Variants in PTPRN2 observed in about 807,000 individuals in gnomAD.
PTPRN2 encodes receptor-type tyrosine-protein phosphatase N2.
PTPRN2 carries 74 observed loss-of-function variants against 118.8 expected under a neutral mutation model. The observed-to-expected ratio is 0.62, with a 90% CI of 0.52 to 0.76. The LOEUF (loss-of-function observed/expected upper bound fraction) is 0.76, where lower values mean the gene tolerates loss of function less well. Among genes scored for constraint, PTPRN2 ranks in the 30% least tolerant of loss-of-function variants. The probability of loss-of-function intolerance (pLI) is 0.00; values close to 1 mark genes in which losing one functional copy is unlikely to be tolerated. For missense variants in PTPRN2, 1,481 were observed against 1,394.4 expected (o/e 1.06, Z -0.99); for synonymous variants, 641 against 608.0 (o/e 1.05, Z -0.80).
intron 11 of PTPRN2, among the ~76,000 whole-genome samples, chr7:157,933,819 AGGGTGAGTCACTCTGATTGACAGTTTTAG>A (rs1799539426): frequency 1.4e-5 from 1 of 73,918 alleles, no homozygotes; most frequent in Non-Finnish European, 3.6e-5. Flanking sequence ...CTTTAGAGGA[AGGGTGAGTCACTCTGATTGACAGTTTTAG>A]AGGAAGGATG....
chr7:157,930,944 A>C (rs924276177), intron 11 of PTPRN2, among the ~76,000 whole-genome samples: 1 of 151,844 alleles, frequency 6.6e-6, no homozygotes, highest in Non-Finnish European at 1.5e-5. Flanking sequence ...TTCCCGCTGT[A>C]GCAGCTAAGA....
chr7:158,131,870 T>C (rs1318644205), intron 9 of PTPRN2, among the ~76,000 whole-genome samples: 1 of 146,928 alleles, frequency 6.8e-6, no homozygotes, highest in Admixed American at 6.8e-5. Flanking sequence ...TACAAACTGA[T>C]ACACATCTAC....
Position 157,834,559 on chromosome 7 carries a change from T to C in PTPRN2, c.1788+64114A>G, listed in dbSNP as rs992212463. 3.3e-5 allele frequency among the ~76,000 whole-genome samples: 5 copies of C among 152,378 alleles called. No individual in the cohort carries two copies. The Middle Eastern group carries it at 0.01, about 311-fold the overall frequency. ...GCACTCCCTGTGATCAATCCATCAA[T>C]TGATCAGTCGACCCACCCGCTGGCT... On this transcript the variant is annotated intron_variant, in intron 12 of 22. Coordinates refer to ENST00000389418, the MANE Select transcript of PTPRN2 (RefSeq NM_002847.5).
At chr7:158,126,982 G>C (rs1299494493) in intron 9 of PTPRN2, among the ~76,000 whole-genome samples, 5 of 152,178 alleles carry the variant, frequency 3.3e-5, no homozygotes, top group Admixed American at 2.6e-4. Context: ...CGGTGGCCCG[G>C]TACCATCTGC....
At chr7:157,635,744 C>A (rs1804273784) in intron 14 of PTPRN2, among the ~76,000 whole-genome samples, 2 of 152,172 alleles carry the variant, frequency 1.3e-5, no homozygotes, top group South Asian at 4.1e-4. Flanking sequence ...GGCTAGCTTA[C>A]AGACTCTCAC....
rs147798928 is a variant in PTPRN2, at chr7:158,246,505, G to A, written c.278-41232C>T. Among the ~76,000 whole-genome samples the A allele has an allele frequency of 5.3e-5, 8 of 151,166 alleles. No homozygotes were observed. The East Asian group carries it at 7.8e-4, about 15-fold the overall frequency. On this transcript the variant is annotated intron_variant, in intron 3 of 22. Transcript: ENST00000389418. ...GAAGGAGGATGCTGGGGCTGCTGAC[G>A]ATAAGAAAATGTGAGCGTTTCACAA...
At chr7:157,545,009 CTGTG>C (rs1009903093) in intron 22 of PTPRN2, among the ~76,000 whole-genome samples, 1 of 139,512 alleles carries the variant, frequency 7.2e-6, no homozygotes. Flanking sequence ...GGGTCCATGA[CTGTG>C]TGTGGGTGTG....
chr7:157,932,801 G>A (rs1038205545), intron 11 of PTPRN2, among the ~76,000 whole-genome samples: 2 of 150,976 alleles, frequency 1.3e-5, no homozygotes, highest in African/African-American at 4.9e-5. Flanking sequence ...CCGATGGACA[G>A]CTTTAGAGAA....
chr7:158,259,836 G>A (rs1332787254), intron 3 of PTPRN2, among the ~76,000 whole-genome samples: 2 of 150,900 alleles, frequency 1.3e-5, no homozygotes, highest in Non-Finnish European at 2.9e-5. Context: ...ATATGTGAAT[G>A]TGTTTGTGTG....
intron 11 of PTPRN2, among the ~76,000 whole-genome samples, chr7:157,966,462 C>T (rs983538467): frequency 6.6e-6 from 1 of 151,870 alleles, no homozygotes; most frequent in Admixed American, 6.6e-5. Flanking sequence ...ATCTTCATCA[C>T]CATCATCATC....
intron 1 of PTPRN2, among the ~76,000 whole-genome samples, chr7:158,495,102 G>A (rs1821733515): frequency 2.0e-5 from 3 of 152,022 alleles, no homozygotes; most frequent in Admixed American, 2.0e-4. Context: ...GTCCTTTGAT[G>A]ACAGATGTCA....
chr7:157,561,401 T>C (rs1799185759), intron 21 of PTPRN2, among the ~76,000 whole-genome samples: 1 of 152,242 alleles, frequency 6.6e-6, no homozygotes, highest in African/African-American at 2.4e-5. Flanking sequence ...CTCCGGTAGT[T>C]TCCATGAGAG....
chr7:158,142,200 C>T (rs1436945048), intron 6 of PTPRN2, among the ~76,000 whole-genome samples: 1 of 152,234 alleles, frequency 6.6e-6, no homozygotes, highest in Non-Finnish European at 1.5e-5. Context: ...CCCTGCGATC[C>T]GGAGCCCACG....
intron 11 of PTPRN2, among the ~76,000 whole-genome samples, chr7:157,975,932 G>A (rs570553546): frequency 1.3e-5 from 2 of 152,266 alleles, no homozygotes; most frequent in South Asian, 2.1e-4. Flanking sequence ...ATAGGCTTTG[G>A]ACAAAGCAGT....
At chr7:158,019,173 G>C (rs113060334) in intron 11 of PTPRN2, among the ~76,000 whole-genome samples, 1 of 152,176 alleles carries the variant, frequency 6.6e-6, no homozygotes, top group African/African-American at 2.4e-5. Flanking sequence ...CTCCCACCAC[G>C]GGCTCCCAGC....
At chr7:158,114,698 C>T (rs1489910108) in intron 9 of PTPRN2, among the ~76,000 whole-genome samples, 1 of 152,180 alleles carries the variant, frequency 6.6e-6, no homozygotes. Flanking sequence ...AAAAGAGAAG[C>T]CACCGGCCAC....
chr7:157,542,580 C>T (rs1798064907), intron 22 of PTPRN2, among the ~76,000 whole-genome samples: 2 of 152,088 alleles, frequency 1.3e-5, no homozygotes, highest in Non-Finnish European at 1.5e-5. Context: ...CAGGAAAGCC[C>T]AATATCCATG....
In PTPRN2 at chr7:158,563,432, A is replaced by G. The variant is rs1827502179; in HGVS notation, c.112+24126T>C. ...TTGCAAGTTGGCCGTGATGTCTCATAATATGAAGTTTGGGTGAGGCGGTGC... is the reference window on the plus strand; with the variant it reads ...TTGCAAGTTGGCCGTGATGTCTCATGATATGAAGTTTGGGTGAGGCGGTGC... On this transcript the variant is annotated intron_variant, in intron 1 of 22. Coordinates refer to ENST00000389418, the MANE Select transcript of PTPRN2 (RefSeq NM_002847.5). The surrounding 1 kb of genome is among the most constrained non-coding windows in gnomAD (Gnocchi z 5.1). Among the ~76,000 whole-genome samples, 1 of 152,212 alleles carries G rather than the reference A, an allele frequency of 6.6e-6. No individual in the cohort carries two copies. The highest frequency in any genetic ancestry group is 2.1e-4 in the South Asian group (1 of 4,836).
intron 6 of PTPRN2, among the ~76,000 whole-genome samples, chr7:158,151,525 C>CTTT: frequency 4.5e-5 from 3 of 67,300 alleles, no homozygotes; most frequent in Non-Finnish European, 7.2e-5. Context: ...CACCGCACGT[C>CTTT]CTACTCCAGG....
Sources: allele counts gnomAD v4.1 joint callset (sites outside exome capture counted in the v4.1 genomes callset), GRCh38; gene constraint gnomAD v4.1.1; non-coding constraint Gnocchi (gnomAD v3.1); transcripts MANE v1.5; gene names NCBI Gene and HGNC (gene_info 2026-07-23, HGNC 2026-07-21).